CADM1: variants seen among roughly 807,000 people sequenced by gnomAD.
The protein encoded by CADM1 is TSLC-1.
In CADM1, 15 loss-of-function variants were observed where a neutral mutation model predicts 53.1. That is an observed-to-expected ratio of 0.28 (90% CI 0.19 to 0.44). The LOEUF is 0.44. CADM1 is among the 20% of genes least tolerant of loss of function. CADM1 has a pLI of 1.00. For missense variants in CADM1, 434 were observed against 611.3 expected, an observed-to-expected ratio of 0.71 and a Z score of 3.06; for synonymous variants, 281 against 243.0, an observed-to-expected ratio of 1.16 and a Z score of -1.45.
intron 7 of CADM1, among the ~76,000 whole-genome samples, chr11:115,211,475 C>CTTTT (rs1224649182): frequency 3.5e-4 from 32 of 92,242 alleles, no homozygotes; most frequent in African/African-American, 4.7e-4. Context: ...AATCCTATTT[C>CTTTT]TTTTTTTTTT....
intron 1 of CADM1, among the ~76,000 whole-genome samples, chr11:115,411,281 G>T (rs1947454312): frequency 6.6e-6 from 1 of 152,142 alleles, no homozygotes; most frequent in African/African-American, 2.4e-5. Flanking sequence ...TTTGTGTCAA[G>T]AAGAACAGAA....
intron 8 of CADM1, among the ~76,000 whole-genome samples, chr11:115,202,850 G>T (rs1940496925): frequency 2.1e-5 from 3 of 142,056 alleles, no homozygotes; most frequent in African/African-American, 2.9e-5. Context: ...ATATATGGTG[G>T]GTTTTTTTTT....
At chr11:115,307,696 T>A in intron 1 of CADM1, among the ~76,000 whole-genome samples, 1 of 151,788 alleles carries the variant, frequency 6.6e-6, no homozygotes, top group East Asian at 1.9e-4. Flanking sequence ...CTTTAAAACT[T>A]TGAAGAAAAA....
At chr11:115,227,190 C>A (rs538255252) in intron 5 of CADM1, among the ~76,000 whole-genome samples, 4 of 152,176 alleles carry the variant, frequency 2.6e-5, no homozygotes, top group African/African-American at 4.8e-5. Context: ...ATTAGAGTCA[C>A]TTTCCTGCAA....
intron 1 of CADM1, among the ~76,000 whole-genome samples, chr11:115,463,315 G>GA (rs1375787310): frequency 4.6e-5 from 7 of 151,878 alleles, no homozygotes. Context: ...CTTTCCTCCA[G>GA]AAAAAAGAAC....
chr11:115,393,486 C>T (rs1308851111), intron 1 of CADM1, among the ~76,000 whole-genome samples: 1 of 148,580 alleles, frequency 6.7e-6, no homozygotes, highest in African/African-American at 2.5e-5. Flanking sequence ...TCGGGGTTGT[C>T]ATTAATCAAA....
At position 115,453,735 on chromosome 11, in the gene CADM1, G is replaced by C. The variant is rs1473204259; in HGVS notation, c.124+50536C>G. ...GCTGGGCTCAAACTCTTGAGCTCAA[G>C]TGATCTGCCCACCTCGCCCTCCCAA... is the stretch of plus-strand genomic sequence containing the variant. On this transcript the variant is annotated intron_variant, in intron 1 of 11. Transcript: ENST00000331581. Among the ~76,000 whole-genome samples the C allele has an allele frequency of 5.3e-5, 8 of 152,260 alleles. No individual in the cohort carries two copies. The East Asian group carries it at 1.5e-3, about 29-fold the overall frequency.
In CADM1 at chr11:115,276,672, C is replaced by T. The variant is rs542770925; in HGVS notation, c.125-36252G>A. Reference sequence around the variant, plus strand: ...GAACTGTCTTATACAATTAAGTTTCCTTATTTGTCATGTACCTAAAAACTA... The same window carrying T: ...GAACTGTCTTATACAATTAAGTTTCTTTATTTGTCATGTACCTAAAAACTA... On this transcript the variant is annotated intron_variant, in intron 1 of 11. Transcript: ENST00000331581. Among the ~76,000 whole-genome samples the T allele has an allele frequency of 6.3e-4, 96 of 152,242 alleles. No homozygotes were observed. In the Middle Eastern group the frequency reaches 0.01, roughly 16 times the overall value.
At chr11:115,287,751 A>G (rs949096709) in intron 1 of CADM1, among the ~76,000 whole-genome samples, 1 of 152,156 alleles carries the variant, frequency 6.6e-6, no homozygotes, top group African/African-American at 2.4e-5. Flanking sequence ...TAACCTAACC[A>G]TTTTTTTGGG....
chr11:115,498,699 A>G (rs1407374832), intron 1 of CADM1, among the ~76,000 whole-genome samples: 1 of 152,240 alleles, frequency 6.6e-6, no homozygotes, highest in Non-Finnish European at 1.5e-5. Flanking sequence ...GCTTTCACCA[A>G]CTGCAACAAG....
chr11:115,206,859 T>C (rs1009958819), intron 8 of CADM1, among the ~76,000 whole-genome samples: 2 of 143,084 alleles, frequency 1.4e-5, no homozygotes, highest in Non-Finnish European at 3.0e-5. Context: ...GTGGCTGTAA[T>C]GTACCAAACA....
chr11:115,431,666 T>C (rs1948055350), intron 1 of CADM1, among the ~76,000 whole-genome samples: 1 of 152,062 alleles, frequency 6.6e-6, no homozygotes, highest in Non-Finnish European at 1.5e-5. Context: ...AGCTAATGGC[T>C]TTCTTTCAAT....
intron 1 of CADM1, among the ~76,000 whole-genome samples, chr11:115,307,203 T>C (rs1335208420): frequency 6.6e-6 from 1 of 152,020 alleles, no homozygotes; most frequent in Non-Finnish European, 1.5e-5. Flanking sequence ...GTTATAGATA[T>C]GCCCCTAACC....
At chr11:115,295,509 TATATATATATATATA>T (rs1944030954) in intron 1 of CADM1, among the ~76,000 whole-genome samples, 17 of 27,942 alleles carry the variant, frequency 6.1e-4, no homozygotes, top group African/African-American at 1.2e-3. Context: ...AGATATTTTA[TATATATATATATATA>T]TATATATATA....
At chr11:115,305,890 G>A (rs1276393237) in intron 1 of CADM1, among the ~76,000 whole-genome samples, 2 of 104,232 alleles carry the variant, frequency 1.9e-5, no homozygotes, top group Admixed American at 1.4e-4. Context: ...TACAGAGCGA[G>A]ACTCCATCTC....
At chr11:115,369,373 C>A (rs930601211) in intron 1 of CADM1, among the ~76,000 whole-genome samples, 1 of 152,100 alleles carries the variant, frequency 6.6e-6, no homozygotes, top group South Asian at 2.1e-4. Flanking sequence ...AGTGGTTAAT[C>A]GGTTGTTCAG....
rs188474384 is a variant in CADM1, at chr11:115,173,532, C to T, written c.*2942G>A. 185 of 160,106 alleles carry T rather than the reference C, an allele frequency of 1.2e-3. 1 individual carries two copies. Among genetic ancestry groups the T allele is most frequent in the African/African-American group, 4.0e-3 (167 of 41,696 alleles). The allele number at this position is 160,106 out of a possible 1,614,324, so 9.9% of individuals were successfully genotyped here. A position where few individuals can be genotyped will look rare whatever the true frequency, so the allele number is the denominator to read the frequency against. On this transcript the variant is annotated 3_prime_UTR_variant, in exon 12 of 12. Coordinates refer to ENST00000331581, the MANE Select transcript of CADM1 (RefSeq NM_001301043.2). Reference sequence around the variant, plus strand: ...CATCTACTGCCAGCGTTCCTGGCCCCGTACATGGTCCTAAGGAGGAAGCTG... The same window carrying T: ...CATCTACTGCCAGCGTTCCTGGCCCTGTACATGGTCCTAAGGAGGAAGCTG...
intron 9 of CADM1, among the ~76,000 whole-genome samples, chr11:115,194,380 AAAGG>A (rs1940047260): frequency 6.6e-6 from 1 of 152,248 alleles, no homozygotes; most frequent in African/African-American, 2.4e-5. Context: ...CGAGTCAGGA[AAAGG>A]AAGAGCTACA....
chr11:115,360,573 T>A (rs1003008497), intron 1 of CADM1, among the ~76,000 whole-genome samples: 10 of 152,192 alleles, frequency 6.6e-5, no homozygotes, highest in Non-Finnish European at 1.5e-4. Context: ...CAGATACATT[T>A]CCTGTTGAAA....
Sources: allele counts gnomAD v4.1 joint callset (sites outside exome capture counted in the v4.1 genomes callset), GRCh38; gene constraint gnomAD v4.1.1; transcripts MANE v1.5; gene names NCBI Gene and HGNC (gene_info 2026-07-23, HGNC 2026-07-21).